ECE1: variants seen among roughly 807,000 people sequenced by gnomAD.
The protein encoded by ECE1 is endothelin-converting enzyme 1.
ECE1 carries 35 observed loss-of-function variants against 98.6 expected under a neutral mutation model. The observed-to-expected ratio is 0.35, with a 90% CI of 0.27 to 0.47. The LOEUF is 0.47. Among genes scored for constraint, ECE1 ranks in the 20% least tolerant of loss-of-function variants. The pLI, the probability that ECE1 is intolerant of heterozygous loss-of-function variation, is 1.00. For synonymous variants in ECE1, 394 were observed against 407.1 expected (o/e 0.97, Z 0.39); for missense variants, 814 against 1,025.3 (o/e 0.79, Z 2.81).
intron 1 of ECE1, among the ~76,000 whole-genome samples, chr1:21,312,569 A>T (rs1370389485): frequency 6.6e-6 from 1 of 152,156 alleles, no homozygotes; most frequent in African/African-American, 2.4e-5. Context: ...GTGAGCTATG[A>T]TTGCGCCACT....
chr1:21,275,966 C>T (rs191109468), intron 3 of ECE1, among the ~76,000 whole-genome samples: 8 of 149,640 alleles, frequency 5.3e-5, no homozygotes, highest in Admixed American at 1.3e-4. Context: ...ATATCCTATG[C>T]GTTTTTATAT....
At chr1:21,312,556 A>C (rs12141891) in intron 1 of ECE1, among the ~76,000 whole-genome samples, 30,844 of 152,152 alleles carry the variant, frequency 0.2, 3,488 homozygotes, top group Non-Finnish European at 0.26. Flanking sequence ...GGTCAAGGTT[A>C]CTGTGAGCTA....
At chr1:21,237,499 G>A (rs771639253) in intron 11 of ECE1, among the ~76,000 whole-genome samples, 10 of 152,132 alleles carry the variant, frequency 6.6e-5, no homozygotes, top group Non-Finnish European at 1.2e-4. Flanking sequence ...GCTCACCTCC[G>A]GCTGCAGATG....
In ECE1 at chr1:21,290,216, G is replaced by A. The variant is rs1475207144; in HGVS notation, c.52-60C>T. 1.4e-6 allele frequency: 2 copies of A among 1,460,042 alleles called. No homozygotes were observed. Among genetic ancestry groups the A allele is most frequent in the Non-Finnish European group, 1.8e-6 (2 of 1,102,498 alleles). The allele number at this position is 1,460,042 out of a possible 1,614,324, so 90.4% of individuals were successfully genotyped here. Reference sequence around the variant, plus strand: ...GCCTCCATGGCTCTCGCGCCCGAATGGGGAAGCGGCCCCGACCCTGGCGCC... The same window carrying A: ...GCCTCCATGGCTCTCGCGCCCGAATAGGGAAGCGGCCCCGACCCTGGCGCC... On this transcript the variant is annotated intron_variant, in intron 1 of 18. Transcript: ENST00000374893. The surrounding 1 kb of genome is among the most constrained non-coding windows in gnomAD (Gnocchi z 7.3).
intron 18 of ECE1, among the ~76,000 whole-genome samples, chr1:21,221,219 G>C (rs1320622628): frequency 6.6e-6 from 1 of 152,174 alleles, no homozygotes; most frequent in Non-Finnish European, 1.5e-5. Context: ...GCCCGGGCTG[G>C]AGTGCAGTGG....
chr1:21,272,581 C>T (rs562936291), intron 4 of ECE1, 118 bp downstream of exon 4: 10 of 1,266,264 alleles, frequency 7.9e-6, no homozygotes, highest in African/African-American at 1.5e-5. Flanking sequence ...TGTGAGCCAC[C>T]GTGCCCGGCC....
rs144148283 is a variant in ECE1, at chr1:21,267,817, T to G, written c.493+4882A>C. On this transcript the variant is annotated intron_variant, in intron 4 of 18. Coordinates refer to ENST00000374893, the MANE Select transcript of ECE1 (RefSeq NM_001397.3). ...TATGCGCAGGAAGATGAAACTCAAT[T>G]AGACAGCAGGTATTAGGAAAATATG... Among the ~76,000 whole-genome samples the G allele has an allele frequency of 1.1e-3, 167 of 152,250 alleles. 1 individual carries two copies. The highest frequency in any genetic ancestry group is 3.9e-3 in the African/African-American group (160 of 41,528).
chr1:21,344,780 G>T (rs1413045348), intron 1 of ECE1, among the ~76,000 whole-genome samples: 2 of 152,164 alleles, frequency 1.3e-5, no homozygotes, highest in African/African-American at 4.8e-5. Flanking sequence ...GCCCCTGAGT[G>T]TCCCCTGGTC....
chr1:21,225,373 C>T lies in ECE1; in HGVS notation c.1917G>A (p.Lys639=). 1 of 1,614,204 alleles carries T rather than the reference C, an allele frequency of 6.2e-7. No individual in the cohort carries two copies. The highest frequency in any genetic ancestry group is 8.5e-7 in the Non-Finnish European group (1 of 1,180,032). Residue 639 remains lysine, a synonymous_variant, in exon 17 of 19, where the codon AAG becomes AAA. Transcript: ENST00000374893. This position sits in a 1 kb window ranked among gnomAD's most constrained non-coding sequence, Gnocchi z 5.3. ...GCTCTACCATGCACTCGGTCTGACG[C>T]TTGAAGGCCTCCACGGATGAGTTCT... ...WWKNSSVEAF[K]RQTECMVEQY...
chr1:21,234,591 A>C (rs941587561), intron 13 of ECE1, among the ~76,000 whole-genome samples: 1 of 151,880 alleles, frequency 6.6e-6, no homozygotes, highest in Middle Eastern at 3.4e-3. Context: ...TGATCTTCCC[A>C]TCTCAGCCTC....
intron 7 of ECE1, 108 bp from the exon 8 acceptor site, chr1:21,256,246 CT>C: frequency 7.7e-7 from 1 of 1,294,834 alleles, no homozygotes; most frequent in Non-Finnish European, 1.0e-6. Flanking sequence ...AGCCAGGGGG[CT>C]GCACAGTGCC....
intron 1 of ECE1, among the ~76,000 whole-genome samples, chr1:21,317,167 T>C (rs1299833099): frequency 6.6e-6 from 1 of 152,212 alleles, no homozygotes; most frequent in Non-Finnish European, 1.5e-5. Flanking sequence ...GCTTTTAATA[T>C]GTCTGAGATA....
rs531591793 is a variant in ECE1 at position 21,345,488 on chromosome 1, G to T, written c.-110C>A. ...GCTGCTCGGACGGCTCGGCTGCCTG[G>T]CCCAGGCGGCGCGCTCAGCTCCAGC... On this transcript the variant is annotated 5_prime_UTR_variant, in exon 1 of 19. Coordinates refer to the ECE1 transcript ENST00000415912. This position sits in a 1 kb window ranked among gnomAD's most constrained non-coding sequence, Gnocchi z 5.1. 8,022 of 1,052,072 alleles carry T rather than the reference G, an allele frequency of 7.6e-3. 25 individuals are homozygous for T. The highest frequency in any genetic ancestry group is 8.9e-3 in the Non-Finnish European group (7,416 of 832,624). The allele number at this position is 1,052,072 out of a possible 1,614,324, so 65.2% of individuals were successfully genotyped here.
chr1:21,241,036 A>G (rs2098195495), intron 10 of ECE1, among the ~76,000 whole-genome samples: 1 of 152,244 alleles, frequency 6.6e-6, no homozygotes, highest in Non-Finnish European at 1.5e-5. Flanking sequence ...CAGAACATCC[A>G]GTGAGAGAAA....
intron 1 of ECE1, chr1:21,297,974 G>A (rs1203274515): frequency 6.6e-6 from 1 of 152,352 alleles, no homozygotes; most frequent in African/African-American, 2.4e-5. Context: ...GAGTAGCTGG[G>A]ACCACAGGTG....
At chr1:21,330,586 A>C (rs1431269748) in intron 1 of ECE1, among the ~76,000 whole-genome samples, 2 of 152,118 alleles carry the variant, frequency 1.3e-5, no homozygotes, top group African/African-American at 4.8e-5. Flanking sequence ...TCTCTCCCAC[A>C]GGCCTGGGAG....
At chr1:21,279,432 C>A in intron 2 of ECE1, 100 bp from the exon 3 acceptor site, 1 of 1,594,500 alleles carries the variant, frequency 6.3e-7, no homozygotes. Flanking sequence ...CCTGGAGAGG[C>A]ATCAGGGCTG....
chr1:21,309,525 G>A (rs1268177808), intron 1 of ECE1, among the ~76,000 whole-genome samples: 1 of 152,178 alleles, frequency 6.6e-6, no homozygotes, highest in African/African-American at 2.4e-5. Flanking sequence ...TCAATGCGTC[G>A]GAGCTCTGCT....
chr1:21,245,095 T>C lies in ECE1; in HGVS notation c.1172A>G (p.Asn391Ser). Residue 391 changes from asparagine (N) to serine (S), a missense_variant, in exon 10 of 19, where the codon AAC (asparagine) becomes AGC (serine). Coordinates refer to ENST00000374893, the MANE Select transcript of ECE1 (RefSeq NM_001397.3). ...CACCAGGTTCCAGATCATGTAGTTG[T>C]TGAGCAGGCTGCGGGGAGAGGAGGC... Reference protein sequence around the residue: ...LINTTDRCLLNNYMIWNLVRK... With the variant: ...LINTTDRCLLSNYMIWNLVRK... The C allele has an allele frequency of 6.2e-7, 1 of 1,614,124 alleles. No homozygotes were observed.
Sources: allele counts gnomAD v4.1 joint callset (sites outside exome capture counted in the v4.1 genomes callset), GRCh38; gene constraint gnomAD v4.1.1; non-coding constraint Gnocchi (gnomAD v3.1); transcripts MANE v1.5; gene names NCBI Gene and HGNC (gene_info 2026-07-23, HGNC 2026-07-21).